The following ESPN variants were observed in gnomAD, a reference collection of about 807,000 sequenced individuals.
ESPN encodes the protein autosomal recessive deafness type 36 protein.
A neutral mutation model predicts 77.7 loss-of-function variants in ESPN; 68 were observed. That is an observed-to-expected ratio of 0.87 (90% CI 0.72 to 1.07). ESPN has a LOEUF of 1.07. ESPN is among the 50% of genes least tolerant of loss of function. The pLI is 0.00. For missense variants in ESPN, 1,060 were observed against 1,239.0 expected, an observed-to-expected ratio of 0.86 and a Z score of 2.17; for synonymous variants, 449 against 567.1, an observed-to-expected ratio of 0.79 and a Z score of 2.96.
At chr1:6,445,063 C>G (rs1420589909) in intron 6 of ESPN, among the ~76,000 whole-genome samples, 1 of 152,168 alleles carries the variant, frequency 6.6e-6, no homozygotes, top group Non-Finnish European at 1.5e-5. Context: ...CACAAGCAAG[C>G]ACACAGTGCT....
intron 10 of ESPN, chr1:6,455,556 C>A (rs1433935129): frequency 2.5e-6 from 1 of 398,590 alleles, no homozygotes; most frequent in African/African-American, 2.1e-5. Context: ...AAGCCCGGGC[C>A]TGGCGCACGG....
At position 6,443,862 on chromosome 1, in the gene ESPN, GC is replaced by G. The variant is rs551064693; in HGVS notation, c.991-614del. 3.8e-3 allele frequency among the ~76,000 whole-genome samples: 578 copies of G among 152,308 alleles called. 3 individuals are homozygous for G. The highest frequency in any genetic ancestry group is 0.013 in the African/African-American group (557 of 41,580). ...GGGGCAGCATGGCAATGTAAGCAGGGCCCCCACCACAGCCCCGTCTGCACCG... is the reference window on the plus strand; with the variant it reads ...GGGGCAGCATGGCAATGTAAGCAGGGCCCCACCACAGCCCCGTCTGCACCG... On this transcript the variant is annotated intron_variant, in intron 5 of 12. Transcript: ENST00000645284.
At chr1:6,457,119 G>A (rs12092014) in intron 10 of ESPN, 65 bp from the exon 11 acceptor site, 194 of 1,488,830 alleles carry the variant, frequency 1.3e-4, no homozygotes, top group Non-Finnish European at 1.7e-4. Flanking sequence ...TTCAGGTCCC[G>A]AGGTTGAGGG....
chr1:6,461,213 G>T (rs1486654496), downstream of ESPN: 1 of 729,180 alleles, frequency 1.4e-6, no homozygotes. The surrounding 1 kb of genome is among the most constrained non-coding windows in gnomAD (Gnocchi z 6.3). Flanking sequence ...AACTCCGGCC[G>T]AGAAGTTGAG....
chr1:6,440,476 G>A (rs1156494815), intron 3 of ESPN, 36 bp downstream of exon 3: 2 of 1,499,892 alleles, frequency 1.3e-6, no homozygotes, highest in South Asian at 2.5e-5. Flanking sequence ...CAGGGGAGGC[G>A]GGGCGGAGCC....
chr1:6,433,864 C>T (rs1012191267), intron 2 of ESPN, among the ~76,000 whole-genome samples: 3 of 152,116 alleles, frequency 2.0e-5, no homozygotes, highest in Non-Finnish European at 4.4e-5. Context: ...AATTGTCAAC[C>T]GCACCCATGA....
chr1:6,445,755 CA>C lies in ESPN; in HGVS notation c.1285del (p.Thr429HisfsTer34). 6.3e-7 allele frequency: 1 copy of C among 1,579,334 alleles called. No individual in the cohort carries two copies. Among genetic ancestry groups the C allele is most frequent in the Admixed American group, 1.7e-5 (1 of 58,614 alleles). ...GLPRGTIGKP[T>X]PPPPPPSFPP... ...TGCCTCGGGGCACGATTGGGAAGCCCACACCCCCACCACCCCCACCCAGCTT... is the reference window on the plus strand; with the variant it reads ...TGCCTCGGGGCACGATTGGGAAGCCCCACCCCCACCACCCCCACCCAGCTT... On this transcript the variant is annotated frameshift_variant, in exon 7 of 13. Transcript: ENST00000645284. LOFTEE classifies it high-confidence loss of function.
chr1:6,456,101 T>C, intron 10 of ESPN: 1 of 398,214 alleles, frequency 2.5e-6, no homozygotes, highest in Non-Finnish European at 4.4e-6. Context: ...AACTGGTGTC[T>C]GAGATGGGCG....
intron 5 of ESPN, among the ~76,000 whole-genome samples, chr1:6,441,747 A>G (rs1287304727): frequency 2.6e-5 from 4 of 152,194 alleles, no homozygotes; most frequent in African/African-American, 9.6e-5. Context: ...CAACCCGAAA[A>G]GGATGCGGAC....
At chr1:6,435,094 C>G (rs960283012) in intron 2 of ESPN, among the ~76,000 whole-genome samples, 4 of 152,124 alleles carry the variant, frequency 2.6e-5, no homozygotes, top group Non-Finnish European at 4.4e-5. Context: ...CAAATCAGGG[C>G]TGCATTTCTT....
In ESPN at chr1:6,437,990, G is replaced by A. The variant is rs760327627; in HGVS notation, c.489-2264G>A. 1.3e-5 allele frequency among the ~76,000 whole-genome samples: 2 copies of A among 152,086 alleles called. No homozygotes were observed. The highest frequency in any genetic ancestry group is 2.4e-5 in the African/African-American group (1 of 41,412). ...GCCCATTGATGGGCAGGCAACAAGC[G>A]GATGGGCAGTTGGATGGGTGAGCGA... On this transcript the variant is annotated intron_variant, in intron 2 of 12. Coordinates refer to ENST00000645284, the MANE Select transcript of ESPN (RefSeq NM_031475.3). The surrounding 1 kb of genome is among the most constrained non-coding windows in gnomAD (Gnocchi z 4.5).
At position 6,437,769 on chromosome 1, in the gene ESPN, C is replaced by T. The variant is rs555064290; in HGVS notation, c.489-2485C>T. On this transcript the variant is annotated intron_variant, in intron 2 of 12. Coordinates refer to ENST00000645284, the MANE Select transcript of ESPN (RefSeq NM_031475.3). This position sits in a 1 kb window ranked among gnomAD's most constrained non-coding sequence, Gnocchi z 4.5. ...ATCAGTGAGTGGAGGTCCATGGGGG[C>T]TGCAGACAGCCTTGGGGTCTCAGGA... 1 of 152,452 alleles carries T rather than the reference C, an allele frequency of 6.6e-6. No individual in the cohort carries two copies. The highest frequency in any genetic ancestry group is 1.9e-4 in the East Asian group (1 of 5,150). The allele number at this position is 152,452 out of a possible 1,614,324, so 9.4% of individuals were successfully genotyped here.
At chr1:6,443,709 T>TA (rs1012693242) in intron 5 of ESPN, among the ~76,000 whole-genome samples, 8 of 152,192 alleles carry the variant, frequency 5.3e-5, no homozygotes, top group Non-Finnish European at 1.0e-4. Flanking sequence ...GCTGAGCCGT[T>TA]ACCTGGTGCC....
Position 6,460,316 on chromosome 1 carries a change from A to C in ESPN, c.*170A>C, listed in dbSNP as rs1180987178. Reference sequence around the variant, plus strand: ...CCCCGTATCCCCAGCCCTTGGCAACACTGGAGTGCACACGCCGCCACGGTT... The same window carrying C: ...CCCCGTATCCCCAGCCCTTGGCAACCCTGGAGTGCACACGCCGCCACGGTT... On this transcript the variant is annotated 3_prime_UTR_variant, in exon 13 of 13. Transcript: ENST00000645284. 7.6e-6 allele frequency: 6 copies of C among 789,682 alleles called. No individual in the cohort carries two copies. Among genetic ancestry groups the C allele is most frequent in the Non-Finnish European group, 1.2e-5 (6 of 505,676 alleles). The allele number at this position is 789,682 out of a possible 1,614,324, so 48.9% of individuals were successfully genotyped here.
At chr1:6,435,126 G>A (rs970024454) in intron 2 of ESPN, among the ~76,000 whole-genome samples, 1 of 152,122 alleles carries the variant, frequency 6.6e-6, no homozygotes, top group Non-Finnish European at 1.5e-5. Context: ...GCCTACTCGG[G>A]AATCTTTTAA....
intron 5 of ESPN, 38 bp from the exon 6 acceptor site, chr1:6,444,443 G>T: frequency 6.2e-7 from 1 of 1,607,922 alleles, no homozygotes; most frequent in Non-Finnish European, 8.5e-7. Context: ...GCATCTTGGG[G>T]TATGGTTGTC....
rs1407479899 is a variant in ESPN, at chr1:6,453,736, T to C, written c.2325+1640T>C. Among the ~76,000 whole-genome samples the C allele has an allele frequency of 5.3e-5, 8 of 152,208 alleles. No individual in the cohort carries two copies. The East Asian group carries it at 1.5e-3, about 29-fold the overall frequency. On this transcript the variant is annotated intron_variant, in intron 10 of 12. Coordinates refer to ENST00000645284, the MANE Select transcript of ESPN (RefSeq NM_031475.3). ...GGGAAGAGGCTGCTTCCTATTTGTA[T>C]GTGGGGAGTGGATCGCATAGGGTCA... is the stretch of plus-strand genomic sequence containing the variant.
intron 7 of ESPN, 112 bp from the exon 8 acceptor site, chr1:6,448,529 C>G (rs1480862298): frequency 3.2e-6 from 3 of 928,474 alleles, no homozygotes; most frequent in Admixed American, 2.8e-5. Context: ...CTGCTGCACC[C>G]CTCGACGGCC....
intron 5 of ESPN, among the ~76,000 whole-genome samples, chr1:6,442,792 C>T (rs145350712): frequency 0.021 from 3,128 of 148,012 alleles, 105 homozygotes; most frequent in African/African-American, 0.074. Flanking sequence ...CGCTTGAACC[C>T]GGGAGGCGGA....
Sources: gnomAD v4.1 joint callset for allele counts (sites outside exome capture counted in the v4.1 genomes callset) on GRCh38, gnomAD v4.1.1 for gene constraint, Gnocchi (gnomAD v3.1) non-coding constraint, MANE v1.5 for transcripts, NCBI Gene and HGNC (gene_info 2026-07-23, HGNC 2026-07-21) for gene names.